LHFPL3: variants seen among roughly 807,000 people sequenced by gnomAD.
LHFPL3 encodes LHFPL tetraspan subfamily member 3.
A neutral mutation model predicts 19.3 loss-of-function variants in LHFPL3; 5 were observed. The observed-to-expected ratio is 0.26, with a 90% confidence interval of 0.14 to 0.54. LHFPL3 has a LOEUF of 0.54. Among genes scored for constraint, LHFPL3 ranks in the 20% least tolerant of loss-of-function variants. LHFPL3 has a pLI of 0.94. For missense variants in LHFPL3, 249 were observed against 307.4 expected, an observed-to-expected ratio of 0.81 and a Z score of 1.42; for synonymous variants, 133 against 126.2, an observed-to-expected ratio of 1.05 and a Z score of -0.36.
chr7:104,806,877 C>G (rs1790370245), intron 2 of LHFPL3, among the ~76,000 whole-genome samples: 1 of 152,094 alleles, frequency 6.6e-6, no homozygotes, highest in Middle Eastern at 3.2e-3. Flanking sequence ...CTCATAATAC[C>G]TTTCGGGCAT....
At chr7:104,366,354 T>C (rs1156412062) in intron 1 of LHFPL3, among the ~76,000 whole-genome samples, 1 of 152,146 alleles carries the variant, frequency 6.6e-6, no homozygotes, top group Non-Finnish European at 1.5e-5. Context: ...GGGCCAAAGG[T>C]CCTCTTTATT....
chr7:104,356,174 G>A (rs879855685), intron 1 of LHFPL3, among the ~76,000 whole-genome samples: 3 of 152,176 alleles, frequency 2.0e-5, no homozygotes, highest in Non-Finnish European at 4.4e-5. Context: ...TCCAGGTTTG[G>A]TCACTGTTCA....
chr7:104,723,994 AAGGATTATC>A (rs112615157), intron 1 of LHFPL3, among the ~76,000 whole-genome samples: 4 of 152,192 alleles, frequency 2.6e-5, no homozygotes, highest in African/African-American at 9.7e-5. Context: ...CTACATCTTA[AAGGATTATC>A]AATTTGTGAA....
intron 1 of LHFPL3, among the ~76,000 whole-genome samples, chr7:104,609,050 A>G (rs1184602429): frequency 3.3e-5 from 5 of 152,048 alleles, no homozygotes; most frequent in Non-Finnish European, 7.4e-5. Flanking sequence ...GCGGATCACA[A>G]GGTCAGGAGT....
chr7:104,371,784 A>G (rs1321497163), intron 1 of LHFPL3, among the ~76,000 whole-genome samples: 2 of 151,154 alleles, frequency 1.3e-5, no homozygotes, highest in East Asian at 1.9e-4. Context: ...ATAATTTTGC[A>G]TAGACAATTT....
chr7:104,461,001 G>A (rs1792651267), intron 1 of LHFPL3, among the ~76,000 whole-genome samples: 1 of 152,078 alleles, frequency 6.6e-6, no homozygotes, highest in African/African-American at 2.4e-5. Flanking sequence ...CATTGTATTA[G>A]TCTATTCTCA....
At chr7:104,871,097 G>A (rs926065424) in intron 2 of LHFPL3, among the ~76,000 whole-genome samples, 4 of 152,188 alleles carry the variant, frequency 2.6e-5, no homozygotes, top group Non-Finnish European at 5.9e-5. Context: ...ACAGGGATAT[G>A]TTCTGAGAAA....
intron 1 of LHFPL3, among the ~76,000 whole-genome samples, chr7:104,355,807 C>T (rs923351702): frequency 6.6e-6 from 1 of 152,236 alleles, no homozygotes; most frequent in African/African-American, 2.4e-5. Flanking sequence ...TCTTCCTCCA[C>T]TGGCATCTAT....
intron 1 of LHFPL3, among the ~76,000 whole-genome samples, chr7:104,666,509 A>ATTTTTTTTTTTTTTTTTTT (rs1315147894): frequency 6.8e-5 from 3 of 44,160 alleles, no homozygotes; most frequent in African/African-American, 2.2e-4. Context: ...ACAGGATTTC[A>ATTTTTTTTTTTTTTTTTTT]TTCTTTTTTT....
intron 2 of LHFPL3, among the ~76,000 whole-genome samples, chr7:104,850,149 A>G (rs1284075875): frequency 1.3e-5 from 2 of 152,132 alleles, no homozygotes; most frequent in Non-Finnish European, 2.9e-5. Context: ...CTAAAAATAC[A>G]AAATTAGCCA....
chr7:104,842,184 T>TGAA, intron 2 of LHFPL3, among the ~76,000 whole-genome samples: 1 of 141,512 alleles, frequency 7.1e-6, no homozygotes, highest in Non-Finnish European at 1.5e-5. Flanking sequence ...CACAATCCTT[T>TGAA]AAAAAAAAAA....
chr7:104,329,634 G>A (rs1291380893), intron 1 of LHFPL3, among the ~76,000 whole-genome samples: 1 of 152,188 alleles, frequency 6.6e-6, no homozygotes, highest in Non-Finnish European at 1.5e-5. Flanking sequence ...AGAGGTCATA[G>A]TGGAAGGAGC....
intron 1 of LHFPL3, among the ~76,000 whole-genome samples, chr7:104,465,555 C>T (rs967902833): frequency 1.3e-5 from 2 of 152,156 alleles, no homozygotes; most frequent in African/African-American, 2.4e-5. Context: ...CCTCAGGAAA[C>T]GTAGCAGAAA....
intron 1 of LHFPL3, among the ~76,000 whole-genome samples, chr7:104,587,689 C>T (rs1236130765): frequency 7.2e-5 from 11 of 151,812 alleles, no homozygotes; most frequent in East Asian, 1.9e-4. Flanking sequence ...CCTGAGGAAT[C>T]GCCACACTGA....
At position 104,491,978 on chromosome 7, in the gene LHFPL3, A is replaced by C. The variant is rs1160975362; in HGVS notation, c.445+162754A>C. ...ACTATTCCTCATTCAAAGTCACACA[A>C]AAACTAGGTCTATGTTCCAAGGAAA... is the stretch of plus-strand genomic sequence containing the variant. On this transcript the variant is annotated intron_variant, in intron 1 of 2. Coordinates refer to ENST00000424859, the MANE Select transcript of LHFPL3 (RefSeq NM_199000.3). 2.6e-5 allele frequency among the ~76,000 whole-genome samples: 4 copies of C among 152,322 alleles called. No homozygotes were observed. In the East Asian group the frequency reaches 7.7e-4, roughly 29 times the overall value.
intron 1 of LHFPL3, among the ~76,000 whole-genome samples, chr7:104,687,821 A>G (rs974236242): frequency 2.0e-5 from 3 of 152,194 alleles, no homozygotes; most frequent in Non-Finnish European, 2.9e-5. Flanking sequence ...TCCAGAGAAA[A>G]GGGGAATGAG....
At chr7:104,588,205 G>C (rs1790625716) in intron 1 of LHFPL3, among the ~76,000 whole-genome samples, 1 of 152,114 alleles carries the variant, frequency 6.6e-6, no homozygotes, top group Non-Finnish European at 1.5e-5. Flanking sequence ...CCTATGTCCT[G>C]AATGGTATTG....
intron 1 of LHFPL3, among the ~76,000 whole-genome samples, chr7:104,488,977 A>AGTCACTCAGT (rs1793288616): frequency 6.6e-6 from 1 of 151,344 alleles, no homozygotes; most frequent in South Asian, 2.1e-4. Flanking sequence ...TGACCCGTGT[A>AGTCACTCAGT]GTCACTCAGT....
intron 1 of LHFPL3, among the ~76,000 whole-genome samples, chr7:104,483,084 C>A (rs747835184): frequency 1.2e-4 from 18 of 152,224 alleles, no homozygotes; most frequent in Admixed American, 1.3e-4. Context: ...GAGGCACTGA[C>A]TCCAAAATGG....
Sources: gnomAD v4.1 joint callset for allele counts (sites outside exome capture counted in the v4.1 genomes callset) on GRCh38, gnomAD v4.1.1 for gene constraint, MANE v1.5 for transcripts, NCBI Gene and HGNC (gene_info 2026-07-23, HGNC 2026-07-21) for gene names.